Variants in DPP10 observed in about 807,000 individuals in gnomAD.
The protein encoded by DPP10 is inactive dipeptidyl peptidase 10.
In DPP10, 33 loss-of-function variants were observed where a neutral mutation model predicts 120.9. The ratio of observed to expected loss-of-function variants is 0.27; its 90% CI spans 0.21 to 0.37. The LOEUF (loss-of-function observed/expected upper bound fraction) is 0.37, where lower values mean the gene tolerates loss of function less well. Ranked by LOEUF, DPP10 falls within the 10% of genes least tolerant of loss-of-function variation. The pLI is 1.00. For synonymous variants in DPP10, 337 were observed against 326.1 expected (o/e 1.03, Z -0.36); for missense variants, 816 against 942.8 (o/e 0.87, Z 1.76).
At chr2:115,465,509 G>A (rs1354333236) in intron 3 of DPP10, among the ~76,000 whole-genome samples, 3 of 152,108 alleles carry the variant, frequency 2.0e-5, no homozygotes, top group Admixed American at 2.0e-4. Context: ...AAGATTTGAG[G>A]AAAGTCTAAA....
In DPP10 at chr2:114,783,444, C is replaced by G. The variant is rs531151773; in HGVS notation, c.60+340606C>G. 3.9e-5 allele frequency among the ~76,000 whole-genome samples: 6 copies of G among 152,218 alleles called. No homozygotes were observed. In the South Asian group the frequency reaches 1.2e-3, roughly 32 times the overall value. On this transcript the variant is annotated intron_variant, in intron 1 of 25. Coordinates refer to ENST00000410059, the MANE Select transcript of DPP10 (RefSeq NM_020868.6). ...CAGATATAAGAAGAGTGCGTTAAAA[C>G]AATTTACCTGTTCTCATAGAGACAG...
At chr2:115,111,928 C>A (rs2049245956) in intron 1 of DPP10, among the ~76,000 whole-genome samples, 1 of 152,158 alleles carries the variant, frequency 6.6e-6, no homozygotes, top group Non-Finnish European at 1.5e-5. Flanking sequence ...AGTCAAGCGG[C>A]CAATCAGATT....
At chr2:114,812,572 G>A (rs1037376414) in intron 1 of DPP10, among the ~76,000 whole-genome samples, 54 of 117,518 alleles carry the variant, frequency 4.6e-4, no homozygotes, top group Middle Eastern at 4.9e-3. Flanking sequence ...TGGGCAACAG[G>A]GTGAGACATT....
intron 3 of DPP10, among the ~76,000 whole-genome samples, chr2:115,464,928 C>G (rs2074226896): frequency 6.6e-6 from 1 of 152,120 alleles, no homozygotes; most frequent in South Asian, 2.1e-4. Flanking sequence ...CTCCTATCTA[C>G]CAACGTCCTT....
intron 3 of DPP10, among the ~76,000 whole-genome samples, chr2:115,459,012 A>G (rs1262987712): frequency 6.6e-6 from 1 of 152,190 alleles, no homozygotes. Context: ...GTCATGTTAT[A>G]TGTATGACAG....
chr2:115,740,996 C>T (rs925533117), intron 9 of DPP10, among the ~76,000 whole-genome samples: 11 of 152,064 alleles, frequency 7.2e-5, no homozygotes, highest in Admixed American at 4.6e-4. Context: ...TTAATTCATG[C>T]ACTACATTAG....
intron 8 of DPP10, among the ~76,000 whole-genome samples, chr2:115,734,623 T>C (rs1268929151): frequency 7.9e-6 from 1 of 126,602 alleles, no homozygotes; most frequent in Non-Finnish European, 1.6e-5. Context: ...GCCACTGCAC[T>C]CCAGCCTGGG....
chr2:114,918,170 A>C (rs1452814970), intron 1 of DPP10, among the ~76,000 whole-genome samples: 1 of 152,244 alleles, frequency 6.6e-6, no homozygotes, highest in African/African-American at 2.4e-5. Context: ...AAAAGACGAC[A>C]TGCATGTGGC....
chr2:115,815,033 G>A, intron 20 of DPP10, 46 bp downstream of exon 20: 1 of 1,539,950 alleles, frequency 6.5e-7, no homozygotes, highest in Non-Finnish European at 8.9e-7. Flanking sequence ...TAATGACAGA[G>A]TCTTGGTATA....
At chr2:115,003,755 T>C (rs1331608905) in intron 1 of DPP10, among the ~76,000 whole-genome samples, 4 of 152,110 alleles carry the variant, frequency 2.6e-5, no homozygotes, top group Non-Finnish European at 4.4e-5. Flanking sequence ...CCAAAATTTT[T>C]ATAGAAAGAG....
At chr2:115,166,677 A>G (rs2052902544) in intron 1 of DPP10, among the ~76,000 whole-genome samples, 1 of 150,604 alleles carries the variant, frequency 6.6e-6, no homozygotes, top group South Asian at 2.1e-4. Flanking sequence ...TTATTTCAGG[A>G]TCTGAGCAAA....
At chr2:114,768,165 A>G (rs1680911005) in intron 1 of DPP10, among the ~76,000 whole-genome samples, 1 of 152,026 alleles carries the variant, frequency 6.6e-6, no homozygotes, top group Non-Finnish European at 1.5e-5. Context: ...AGAAAAAAAA[A>G]AATCAATCCA....
intron 5 of DPP10, among the ~76,000 whole-genome samples, chr2:115,556,600 T>C (rs1312141496): frequency 1.3e-5 from 2 of 152,118 alleles, no homozygotes; most frequent in African/African-American, 4.8e-5. Flanking sequence ...ATTTTCTCTG[T>C]GCTTAGCAAA....
intron 21 of DPP10, among the ~76,000 whole-genome samples, chr2:115,827,036 C>T (rs1688387649): frequency 6.6e-6 from 1 of 151,772 alleles, no homozygotes; most frequent in South Asian, 2.1e-4. Flanking sequence ...ATACACTTTC[C>T]ATTTCTTCTG....
intron 5 of DPP10, among the ~76,000 whole-genome samples, chr2:115,634,979 G>C (rs1018868538): frequency 1.3e-5 from 2 of 152,168 alleles, no homozygotes; most frequent in Non-Finnish European, 2.9e-5. Flanking sequence ...CCAGCCTAAA[G>C]AGGCAATCTG....
At chr2:115,573,847 G>T (rs529611035) in intron 5 of DPP10, among the ~76,000 whole-genome samples, 1 of 151,968 alleles carries the variant, frequency 6.6e-6, no homozygotes, top group Non-Finnish European at 1.5e-5. Flanking sequence ...GAGTCATCAC[G>T]CCTGGCCAAG....
At chr2:115,279,726 A>G (rs1321352948) in intron 1 of DPP10, among the ~76,000 whole-genome samples, 3 of 124,854 alleles carry the variant, frequency 2.4e-5, no homozygotes, top group African/African-American at 9.6e-5. Context: ...CAGTGGTGCA[A>G]TCTTGGCTCA....
chr2:114,911,267 G>C lies in DPP10; in HGVS notation c.61-397972G>C, dbSNP rs140398427. On this transcript the variant is annotated intron_variant, in intron 1 of 25. Transcript: ENST00000410059. ...TACGGTATCAAGTTGACAAGTACTA[G>C]CATTCAAGAAATTATGCAATCTGCT... 6.1e-3 allele frequency among the ~76,000 whole-genome samples: 922 copies of C among 152,102 alleles called. 7 individuals carry two copies. Among genetic ancestry groups the C allele is most frequent in the African/African-American group, 0.021 (881 of 41,502 alleles).
intron 1 of DPP10, among the ~76,000 whole-genome samples, chr2:114,722,063 T>C (rs1701734003): frequency 6.6e-6 from 1 of 152,186 alleles, no homozygotes; most frequent in South Asian, 2.1e-4. Flanking sequence ...TTTTTTCATT[T>C]ATCTTATATG....
Sources: allele counts gnomAD v4.1 joint callset (sites outside exome capture counted in the v4.1 genomes callset), GRCh38; gene constraint gnomAD v4.1.1; transcripts MANE v1.5; gene names NCBI Gene and HGNC (gene_info 2026-07-23, HGNC 2026-07-21).